CDC14B: variants seen among roughly 807,000 people sequenced by gnomAD.
CDC14B encodes the protein cell division cycle 14B.
A neutral mutation model predicts 64.2 loss-of-function variants in CDC14B; 22 were observed. The ratio of observed to expected loss-of-function variants is 0.34; its 90% CI spans 0.24 to 0.49. CDC14B has a LOEUF of 0.49. Ranked by LOEUF, CDC14B falls within the 20% of genes least tolerant of loss-of-function variation. The pLI, the probability that CDC14B is intolerant of heterozygous loss-of-function variation, is 0.99. For synonymous variants in CDC14B, 191 were observed against 215.8 expected (o/e 0.89, Z 1.01); for missense variants, 498 against 629.9 (o/e 0.79, Z 2.24).
intron 1 of CDC14B, among the ~76,000 whole-genome samples, chr9:96,587,607 G>C (rs1295214112): frequency 6.6e-6 from 1 of 152,146 alleles, no homozygotes; most frequent in Admixed American, 6.5e-5. Context: ...ACAGAGGTTG[G>C]GCTCCATGGA....
intron 1 of CDC14B, among the ~76,000 whole-genome samples, chr9:96,611,711 A>G (rs1847335988): frequency 6.6e-6 from 1 of 152,206 alleles, no homozygotes; most frequent in African/African-American, 2.4e-5. Flanking sequence ...TAAGCATGGA[A>G]AGGTCCTTTG....
chr9:96,569,094 C>T (rs1289988552), intron 1 of CDC14B, among the ~76,000 whole-genome samples: 3 of 152,160 alleles, frequency 2.0e-5, no homozygotes, highest in East Asian at 1.9e-4. Context: ...CCTTCATAGT[C>T]GGTGTCTAGA....
rs1833649322 is a variant in CDC14B at position 96,502,600 on chromosome 9, T to G, written c.*1153A>C. The G allele has an allele frequency of 3.1e-6, 1 of 323,530 alleles. No individual in the cohort carries two copies. Among genetic ancestry groups the G allele is most frequent in the Admixed American group, 4.9e-5 (1 of 20,338 alleles). 20.0% of individuals were successfully genotyped at this position (323,530 alleles called of 1,614,324 possible). A position where few individuals can be genotyped will look rare whatever the true frequency, so the allele number is the denominator to read the frequency against. On this transcript the variant is annotated 3_prime_UTR_variant, in exon 14 of 14. Coordinates refer to ENST00000375241, the MANE Select transcript of CDC14B (RefSeq NM_033331.4). Reference sequence around the variant, plus strand: ...TTCTTTTATTTCGGGCCCCATTTTTTTTTTTTTTTTTAGCAGCACATCAAT... The same window carrying G: ...TTCTTTTATTTCGGGCCCCATTTTTGTTTTTTTTTTTAGCAGCACATCAAT...
intron 13 of CDC14B, among the ~76,000 whole-genome samples, chr9:96,507,709 C>T (rs1834357287): frequency 6.6e-6 from 1 of 152,014 alleles, no homozygotes; most frequent in African/African-American, 2.4e-5. Flanking sequence ...CCACCGCGCC[C>T]AGCCTGAATT....
intron 5 of CDC14B, among the ~76,000 whole-genome samples, chr9:96,542,311 A>AT (rs2131870916): frequency 6.6e-6 from 1 of 151,856 alleles, no homozygotes; most frequent in South Asian, 2.1e-4. Context: ...TGTAATAAAC[A>AT]TATGTGTGTA....
Position 96,528,586 on chromosome 9 carries a change from T to C in CDC14B, c.947-4861A>G, listed in dbSNP as rs150024680. Among the ~76,000 whole-genome samples, 1,488 of 152,278 alleles carry C rather than the reference T, an allele frequency of 9.8e-3. 30 individuals are homozygous for C. The highest frequency in any genetic ancestry group is 0.034 in the African/African-American group (1,409 of 41,548). On this transcript the variant is annotated intron_variant, in intron 9 of 13. Coordinates refer to ENST00000375241, the MANE Select transcript of CDC14B (RefSeq NM_033331.4). ...TACAACATGGGTGTAAAAATATCTG[T>C]TCATATCCCTGCTGTCAATTGTTTC...
chr9:96,494,526 C>T (rs185814062), intron 13 of CDC14B, among the ~76,000 whole-genome samples: 62 of 144,906 alleles, frequency 4.3e-4, no homozygotes, highest in African/African-American at 1.7e-3. Flanking sequence ...TTCTGCACAT[C>T]TCCTGTTGCT....
chr9:96,538,069 C>T (rs1839534993), intron 7 of CDC14B, among the ~76,000 whole-genome samples: 1 of 152,144 alleles, frequency 6.6e-6, no homozygotes, highest in African/African-American at 2.4e-5. Flanking sequence ...CTGTAACTTG[C>T]AACCAGAAGT....
At chr9:96,542,088 G>C (rs1362944089) in intron 5 of CDC14B, among the ~76,000 whole-genome samples, 196 bp from the exon 6 acceptor site, 1 of 152,142 alleles carries the variant, frequency 6.6e-6, no homozygotes, top group South Asian at 2.1e-4. Context: ...TATTCCAATA[G>C]GTACTGTTTT....
intron 13 of CDC14B, 114 bp from the exon 14 acceptor site, chr9:96,503,903 G>A (rs1251241196): frequency 3.0e-5 from 23 of 773,796 alleles, no homozygotes; most frequent in Non-Finnish European, 4.3e-5. Context: ...AAAAGTATAC[G>A]CTTGCTGTAA....
intron 13 of CDC14B, among the ~76,000 whole-genome samples, chr9:96,505,845 A>G (rs1197359507): frequency 6.6e-6 from 1 of 152,190 alleles, no homozygotes; most frequent in Non-Finnish European, 1.5e-5. Flanking sequence ...CTTCAAATGG[A>G]TACACGAGGG....
intron 1 of CDC14B, among the ~76,000 whole-genome samples, chr9:96,568,349 C>T (rs1252266798): frequency 2.0e-5 from 3 of 152,016 alleles, no homozygotes; most frequent in Non-Finnish European, 4.4e-5. Context: ...GATACATAAA[C>T]GAAATCAAGA....
intron 4 of CDC14B, among the ~76,000 whole-genome samples, chr9:96,560,132 A>C (rs1842957062): frequency 6.6e-6 from 1 of 152,146 alleles, no homozygotes. Context: ...ACCTTCAGAG[A>C]GGTTCTTCAC....
At chr9:96,606,306 C>T (rs551034405) in intron 1 of CDC14B, among the ~76,000 whole-genome samples, 1 of 125,342 alleles carries the variant, frequency 8.0e-6, no homozygotes, top group East Asian at 2.3e-4. Flanking sequence ...GCACTCCAGC[C>T]TGGGGAACAG....
chr9:96,602,423 C>G (rs117282751), intron 1 of CDC14B, among the ~76,000 whole-genome samples: 1 of 152,152 alleles, frequency 6.6e-6, no homozygotes, highest in Admixed American at 6.5e-5. Context: ...TCCGTTTTCA[C>G]GCTGCTGATA....
At chr9:96,582,692 T>C (rs1298625652) in intron 1 of CDC14B, among the ~76,000 whole-genome samples, 3 of 152,214 alleles carry the variant, frequency 2.0e-5, no homozygotes, top group Non-Finnish European at 4.4e-5. Flanking sequence ...TCAAGTGCTA[T>C]TTCTTTATGG....
At position 96,501,390 on chromosome 9, in the gene CDC14B, TAAC is replaced by T. The variant is rs1467895895; in HGVS notation, c.*2360_*2362del. ...TGTTCCATAGCAACAAGGTCTTCTATAACAACGACTCTAAGTCAGAATTCCAGA... is the reference window on the plus strand; with the variant it reads ...TGTTCCATAGCAACAAGGTCTTCTATAACGACTCTAAGTCAGAATTCCAGA... On this transcript the variant is annotated 3_prime_UTR_variant, in exon 14 of 14. Transcript: ENST00000375241. 6 of 151,966 alleles carry T rather than the reference TAAC, an allele frequency of 3.9e-5. No homozygotes were observed. Among genetic ancestry groups the T allele is most frequent in the African/African-American group, 1.2e-4 (5 of 41,362 alleles). The allele number at this position is 151,966 out of a possible 1,614,324, so 9.4% of individuals were successfully genotyped here.
At chr9:96,566,742 G>T in intron 1 of CDC14B, 1 of 1,597,104 alleles carries the variant, frequency 6.3e-7, no homozygotes, top group East Asian at 2.3e-5. Flanking sequence ...GAGCCCCCAG[G>T]GGAAGCCCCC....
intron 1 of CDC14B, among the ~76,000 whole-genome samples, chr9:96,607,035 T>G (rs1423025529): frequency 6.7e-6 from 1 of 149,602 alleles, no homozygotes; most frequent in Non-Finnish European, 1.5e-5. Flanking sequence ...TCAAAAAAAT[T>G]TAAAAAAAAA....
Sources: gnomAD v4.1 joint callset for allele counts (sites outside exome capture counted in the v4.1 genomes callset) on GRCh38, gnomAD v4.1.1 for gene constraint, MANE v1.5 for transcripts, NCBI Gene and HGNC (gene_info 2026-07-23, HGNC 2026-07-21) for gene names.